SRPK2: variants seen among roughly 807,000 people sequenced by gnomAD.
SRPK2 encodes SRSF protein kinase 2.
In SRPK2, 21 loss-of-function variants were observed where a neutral mutation model predicts 90.8. The ratio of observed to expected loss-of-function variants is 0.23; its 90% CI spans 0.16 to 0.33. The LOEUF (loss-of-function observed/expected upper bound fraction) is 0.33, where lower values mean the gene tolerates loss of function less well. SRPK2 is among the 10% of genes least tolerant of loss of function. SRPK2 has a pLI of 1.00. For missense variants in SRPK2, 620 were observed against 869.0 expected (o/e 0.71, Z 3.60); for synonymous variants, 288 against 311.1 (o/e 0.93, Z 0.78).
intron 3 of SRPK2, among the ~76,000 whole-genome samples, chr7:105,188,615 C>A (rs1443683453): frequency 1.3e-5 from 2 of 152,186 alleles, no homozygotes; most frequent in South Asian, 4.1e-4. Flanking sequence ...TCATTTCACT[C>A]TTTTCAATTC....
chr7:105,145,394 A>ATTATTGTCTT (rs1313850658), intron 8 of SRPK2, 86 bp from the exon 9 acceptor site: 2 of 982,644 alleles, frequency 2.0e-6, no homozygotes, highest in Non-Finnish European at 3.0e-6. Flanking sequence ...AAGTGAAATA[A>ATTATTGTCTT]TTATTGTCTT....
intron 2 of SRPK2, among the ~76,000 whole-genome samples, chr7:105,227,002 C>T (rs983367332): frequency 5.9e-5 from 9 of 152,102 alleles, no homozygotes; most frequent in Admixed American, 3.9e-4. Flanking sequence ...AGCAGCAAAT[C>T]GTTTCTCATT....
At chr7:105,358,351 C>A (rs1273429986) in intron 2 of SRPK2, among the ~76,000 whole-genome samples, 1 of 151,522 alleles carries the variant, frequency 6.6e-6, no homozygotes, top group African/African-American at 2.4e-5. Context: ...ACACAATATT[C>A]CTACAATAAA....
At chr7:105,260,440 G>A (rs1804051599) in intron 2 of SRPK2, among the ~76,000 whole-genome samples, 1 of 152,206 alleles carries the variant, frequency 6.6e-6, no homozygotes, top group Admixed American at 6.5e-5. Context: ...TAGTGGGAGT[G>A]TAAATTAGTT....
At chr7:105,225,100 G>A (rs934229065) in intron 2 of SRPK2, among the ~76,000 whole-genome samples, 2 of 152,148 alleles carry the variant, frequency 1.3e-5, no homozygotes, top group Non-Finnish European at 2.9e-5. Context: ...GCTGAGGTGG[G>A]AGGATCACTT....
At chr7:105,153,287 C>T (rs1273407413) in intron 7 of SRPK2, among the ~76,000 whole-genome samples, 3 of 152,148 alleles carry the variant, frequency 2.0e-5, no homozygotes, top group Non-Finnish European at 4.4e-5. Context: ...AGCCCCGAGT[C>T]CCATTCCAAA....
Position 105,160,575 on chromosome 7 carries a change from G to C in SRPK2, c.553C>G (p.Leu185Val). ...MVFEVLGHHL[L>V]KWIIKSNYQG... ...TAGTTGGATTTGATGATCCACTTGA[G>C]GAGATGGTGGCCAAGTACTTCGAAG... The change falls in exon 7 of 16, where the codon CTC (leucine) becomes GTC (valine). Residue 185 changes from leucine (L) to valine (V), a missense_variant. Leu to Val is a conservative substitution (Grantham distance 32). This residue lies in a region of SRPK2 where 196 missense variants were observed against 339.2 expected (regional missense o/e 0.58). Transcript: ENST00000393651. 1 of 1,613,752 alleles carries C rather than the reference G, an allele frequency of 6.2e-7. No individual in the cohort carries two copies. The highest frequency in any genetic ancestry group is 8.5e-7 in the Non-Finnish European group (1 of 1,179,688).
At chr7:105,241,359 A>C (rs1176806822) in intron 2 of SRPK2, among the ~76,000 whole-genome samples, 1 of 152,202 alleles carries the variant, frequency 6.6e-6, no homozygotes, top group African/African-American at 2.4e-5. Context: ...GGAGAAGGTT[A>C]CCTATTTGCC....
chr7:105,381,896 G>A (rs575876381), intron 2 of SRPK2, among the ~76,000 whole-genome samples: 55 of 152,188 alleles, frequency 3.6e-4, no homozygotes, highest in Non-Finnish European at 7.1e-4. Context: ...AGCTGGGCAC[G>A]GTGGCTCACG....
chr7:105,243,910 A>C (rs1322003533), intron 2 of SRPK2, among the ~76,000 whole-genome samples: 1 of 152,222 alleles, frequency 6.6e-6, no homozygotes, highest in Non-Finnish European at 1.5e-5. Context: ...GCTGCCATCA[A>C]TAAAATGGAA....
At chr7:105,266,104 A>G (rs550943145) in intron 2 of SRPK2, among the ~76,000 whole-genome samples, 1 of 152,308 alleles carries the variant, frequency 6.6e-6, no homozygotes, top group African/African-American at 2.4e-5. Flanking sequence ...TTTAGATTTC[A>G]AGGTGTTATT....
rs1034321848 is a variant in SRPK2 at position 105,294,776 on chromosome 7, T to C, written c.72-90991A>G. ...CCTGACCTCAACTGATCTGCCCACCTTGGCCTCCCAAAGAGCTGGAATTAC... is the reference window on the plus strand; with the variant it reads ...CCTGACCTCAACTGATCTGCCCACCCTGGCCTCCCAAAGAGCTGGAATTAC... On this transcript the variant is annotated intron_variant, in intron 2 of 15. Coordinates refer to ENST00000393651, the MANE Select transcript of SRPK2 (RefSeq NM_182692.3). 2.5e-4 allele frequency among the ~76,000 whole-genome samples: 38 copies of C among 152,158 alleles called. 1 individual carries two copies. The highest frequency in any genetic ancestry group is 8.4e-4 in the African/African-American group (35 of 41,444).
chr7:105,249,186 G>A (rs1802148597), intron 2 of SRPK2, among the ~76,000 whole-genome samples: 1 of 152,094 alleles, frequency 6.6e-6, no homozygotes, highest in African/African-American at 2.4e-5. Context: ...CATCTTTGTT[G>A]TTCAGATATT....
intron 2 of SRPK2, among the ~76,000 whole-genome samples, chr7:105,293,774 G>A (rs1223918590): frequency 1.3e-5 from 2 of 152,144 alleles, no homozygotes; most frequent in Non-Finnish European, 2.9e-5. Flanking sequence ...GATAAGATAT[G>A]TCCAATGTTA....
At chr7:105,268,738 A>C in intron 2 of SRPK2, 1 of 1,519,628 alleles carries the variant, frequency 6.6e-7, no homozygotes, top group African/African-American at 1.4e-5. Context: ...AAGAAAAAAA[A>C]ATATGTCCTG....
rs113246328 is a variant in SRPK2, at chr7:105,176,589, A to G, written c.230-7324T>C. Among the ~76,000 whole-genome samples, 291 of 107,022 alleles carry G rather than the reference A, an allele frequency of 2.7e-3. 2 individuals carry two copies. The highest frequency in any genetic ancestry group is 5.1e-3 in the Middle Eastern group (1 of 198). The allele number at this position is 107,022 out of a possible 152,430, so 70.2% of individuals were successfully genotyped here. Reference sequence around the variant, plus strand: ...TGTGTGTGTGTGTGTGTATGTATATATGTGTGTGTGTGTGTGTGTGTATAC... The same window carrying G: ...TGTGTGTGTGTGTGTGTATGTATATGTGTGTGTGTGTGTGTGTGTGTATAC... On this transcript the variant is annotated intron_variant, in intron 3 of 15. Coordinates refer to ENST00000393651, the MANE Select transcript of SRPK2 (RefSeq NM_182692.3).
At chr7:105,135,261 G>A (rs933135622) in intron 11 of SRPK2, among the ~76,000 whole-genome samples, 1 of 152,214 alleles carries the variant, frequency 6.6e-6, no homozygotes, top group African/African-American at 2.4e-5. Flanking sequence ...TTGGTGTTCA[G>A]GAAAAGAAGA....
chr7:105,141,288 A>C (rs73184098), intron 11 of SRPK2, among the ~76,000 whole-genome samples: 1 of 152,136 alleles, frequency 6.6e-6, no homozygotes, highest in Non-Finnish European at 1.5e-5. Flanking sequence ...GCTGTGTGTT[A>C]AACAGTCTTG....
intron 2 of SRPK2, among the ~76,000 whole-genome samples, chr7:105,230,473 A>G (rs1163053954): frequency 6.6e-6 from 1 of 152,220 alleles, no homozygotes; most frequent in Non-Finnish European, 1.5e-5. Context: ...TGGCAAAACC[A>G]TCCATGTGCT....
Sources: allele counts gnomAD v4.1 joint callset (sites outside exome capture counted in the v4.1 genomes callset), GRCh38; gene constraint gnomAD v4.1.1; regional missense constraint gnomAD v4.1.1; transcripts MANE v1.5; gene names NCBI Gene and HGNC (gene_info 2026-07-23, HGNC 2026-07-21).